The following SLC14A2 variants were observed in gnomAD, a reference collection of about 807,000 sequenced individuals.
SLC14A2 encodes solute carrier family 14 member 2.
In SLC14A2, 91 loss-of-function variants were observed where a neutral mutation model predicts 104.6. The observed-to-expected ratio is 0.87, with a 90% CI of 0.73 to 1.04. The LOEUF (loss-of-function observed/expected upper bound fraction) is 1.04. Ranked by LOEUF, SLC14A2 falls within the 50% of genes least tolerant of loss-of-function variation. The pLI, the probability that SLC14A2 is intolerant of heterozygous loss-of-function variation, is 0.00. For missense variants in SLC14A2, 1,189 were observed against 1,156.0 expected, an observed-to-expected ratio of 1.03 and a Z score of -0.41; for synonymous variants, 476 against 466.4, an observed-to-expected ratio of 1.02 and a Z score of -0.27.
At chr18:45,628,491 C>G (rs1319050530) in intron 4 of SLC14A2, among the ~76,000 whole-genome samples, 1 of 151,736 alleles carries the variant, frequency 6.6e-6, no homozygotes, top group Non-Finnish European at 1.5e-5. Context: ...TTGGCCCACT[C>G]CTCCCCCTTC....
chr18:45,547,011 G>A (rs1021356181), intron 2 of SLC14A2, among the ~76,000 whole-genome samples: 1 of 151,944 alleles, frequency 6.6e-6, no homozygotes, highest in Non-Finnish European at 1.5e-5. Flanking sequence ...TATGGTCCCC[G>A]GACCCTCTTG....
intron 2 of SLC14A2, among the ~76,000 whole-genome samples, chr18:45,610,123 A>G (rs1298351918): frequency 6.6e-6 from 1 of 152,106 alleles, no homozygotes; most frequent in Non-Finnish European, 1.5e-5. Flanking sequence ...TCTGCACCCC[A>G]GCACTGCCCC....
intron 2 of SLC14A2, among the ~76,000 whole-genome samples, chr18:45,526,321 C>T (rs2043593788): frequency 6.6e-6 from 1 of 152,166 alleles, no homozygotes; most frequent in African/African-American, 2.4e-5. Context: ...AAGTCACTGT[C>T]AGGATGCCTT....
At chr18:45,265,750 T>C (rs1030085204) in intron 1 of SLC14A2, among the ~76,000 whole-genome samples, 1 of 152,188 alleles carries the variant, frequency 6.6e-6, no homozygotes, top group Admixed American at 6.5e-5. Flanking sequence ...GCCCATCATT[T>C]GGGAAAGAAG....
At chr18:45,208,827 G>T (rs1286781775), upstream of SLC14A2, among the ~76,000 whole-genome samples, 2 of 151,866 alleles carry the variant, frequency 1.3e-5, no homozygotes, top group African/African-American at 4.8e-5. Flanking sequence ...TAGGGGTTTG[G>T]GAGACCTGTT....
chr18:45,349,962 T>C (rs1419183791), intron 1 of SLC14A2, among the ~76,000 whole-genome samples: 2 of 152,236 alleles, frequency 1.3e-5, no homozygotes, highest in African/African-American at 2.4e-5. Flanking sequence ...GTAGTCAAAA[T>C]AATCAATATT....
chr18:45,471,695 T>C lies in SLC14A2; in HGVS notation c.-124-11538T>C, dbSNP rs180749548. 2.0e-3 allele frequency among the ~76,000 whole-genome samples: 298 copies of C among 152,238 alleles called. 5 individuals carry two copies. The highest frequency in any genetic ancestry group is 3.4e-3 in the Middle Eastern group (1 of 294). ...TGAGCAGTTTCTTTTCACCGTCTTG[T>C]TGCTGCTGATGGGTCCCTAATTTTG... On this transcript the variant is annotated intron_variant, in intron 1 of 20. Transcript: ENST00000586448.
intron 1 of SLC14A2, among the ~76,000 whole-genome samples, chr18:45,284,336 G>A (rs536653533): frequency 6.6e-6 from 1 of 152,240 alleles, no homozygotes; most frequent in South Asian, 2.1e-4. Flanking sequence ...CTTTTGACTT[G>A]GTTTGGCCAA....
intron 1 of SLC14A2, among the ~76,000 whole-genome samples, chr18:45,384,991 T>C (rs1387379606): frequency 6.6e-6 from 1 of 152,202 alleles, no homozygotes; most frequent in Non-Finnish European, 1.5e-5. Flanking sequence ...TTATCATCGA[T>C]GAGCTAAAAC....
At chr18:45,362,690 C>G (rs556137148) in intron 1 of SLC14A2, among the ~76,000 whole-genome samples, 16 of 152,168 alleles carry the variant, frequency 1.1e-4, no homozygotes, top group Admixed American at 9.2e-4. Flanking sequence ...GGGCCACCCA[C>G]GTTCTGTCCA....
chr18:45,668,307 T>G, intron 14 of SLC14A2, 42 bp from the exon 15 acceptor site: 10 of 1,610,386 alleles, frequency 6.2e-6, no homozygotes, highest in Non-Finnish European at 8.5e-6. Context: ...TAAAGGGCCC[T>G]GGGGAAGCCC....
chr18:45,632,563 A>T, intron 5 of SLC14A2, 85 bp downstream of exon 5: 1 of 1,464,804 alleles, frequency 6.8e-7, no homozygotes, highest in Non-Finnish European at 9.3e-7. Flanking sequence ...CAGGACATAC[A>T]CATGTGGGAC....
chr18:45,224,355 G>A (rs2084093135), intron 1 of SLC14A2, among the ~76,000 whole-genome samples: 1 of 152,330 alleles, frequency 6.6e-6, no homozygotes, highest in African/African-American at 2.4e-5. Flanking sequence ...GATCAGCTGT[G>A]GGAGTAAGAA....
chr18:45,313,215 A>G (rs1046042888), intron 1 of SLC14A2, among the ~76,000 whole-genome samples: 24 of 152,214 alleles, frequency 1.6e-4, no homozygotes, highest in African/African-American at 5.5e-4. Flanking sequence ...AGGGAAGAAT[A>G]CATATCTTCA....
At chr18:45,653,354 A>G (rs1344996343) in intron 10 of SLC14A2, among the ~76,000 whole-genome samples, 1 of 152,080 alleles carries the variant, frequency 6.6e-6, no homozygotes, top group Non-Finnish European at 1.5e-5. Context: ...CACAGTGGGA[A>G]GGGGGCCTTT....
chr18:45,443,475 G>A (rs536658782), intron 1 of SLC14A2, among the ~76,000 whole-genome samples: 2 of 152,298 alleles, frequency 1.3e-5, no homozygotes, highest in South Asian at 2.1e-4. Context: ...GTGGATGTGT[G>A]GCAGAACTGT....
At chr18:45,270,533 T>C (rs567081043) in intron 1 of SLC14A2, among the ~76,000 whole-genome samples, 1 of 152,128 alleles carries the variant, frequency 6.6e-6, no homozygotes, top group Non-Finnish European at 1.5e-5. Context: ...AGAGGCTAAA[T>C]GACTCATTCT....
intron 1 of SLC14A2, among the ~76,000 whole-genome samples, chr18:45,435,838 C>T (rs1428998255): frequency 6.6e-6 from 1 of 152,154 alleles, no homozygotes; most frequent in Non-Finnish European, 1.5e-5. Context: ...AGGTATGTTG[C>T]AATCCAAACT....
chr18:45,246,954 C>T (rs1161947075), intron 1 of SLC14A2, among the ~76,000 whole-genome samples: 1 of 152,142 alleles, frequency 6.6e-6, no homozygotes, highest in Non-Finnish European at 1.5e-5. Flanking sequence ...TCAGACCATC[C>T]AGTTTGAAAA....
Sources: allele counts gnomAD v4.1 joint callset (sites outside exome capture counted in the v4.1 genomes callset), GRCh38; gene constraint gnomAD v4.1.1; transcripts MANE v1.5; gene names NCBI Gene and HGNC (gene_info 2026-07-23, HGNC 2026-07-21).